Variants in CCDC40 observed in about 807,000 individuals in gnomAD.
CCDC40 encodes the protein coiled-coil domain 40 molecular ruler complex subunit.
A neutral mutation model predicts 124.5 loss-of-function variants in CCDC40; 104 were observed. The observed-to-expected ratio is 0.84, with a 90% CI of 0.71 to 0.98. The LOEUF (loss-of-function observed/expected upper bound fraction) is 0.98. Ranked by LOEUF, CCDC40 falls within the 50% of genes least tolerant of loss-of-function variation. CCDC40 has a pLI of 0.00. For missense variants in CCDC40, 1,463 were observed against 1,503.9 expected, an observed-to-expected ratio of 0.97 and a Z score of 0.45; for synonymous variants, 580 against 602.9, an observed-to-expected ratio of 0.96 and a Z score of 0.56.
intron 3 of CCDC40, among the ~76,000 whole-genome samples, chr17:80,041,934 T>G (rs898944801): frequency 3.3e-5 from 5 of 152,194 alleles, no homozygotes; most frequent in Admixed American, 1.3e-4. Context: ...GACCTTTTAC[T>G]CCTTTATACT....
chr17:80,053,595 T>G (rs1480824017), intron 7 of CCDC40, among the ~76,000 whole-genome samples: 1 of 152,300 alleles, frequency 6.6e-6, no homozygotes, highest in South Asian at 2.1e-4. Flanking sequence ...GTTTTTTGTT[T>G]GTTTGTTTGT....
chr17:80,046,579 T>C (rs2037425957), intron 3 of CCDC40, among the ~76,000 whole-genome samples: 1 of 149,296 alleles, frequency 6.7e-6, no homozygotes, highest in Admixed American at 6.6e-5. Context: ...TCTGCGTGTC[T>C]GCATCTGTAG....
rs2037536805 is a variant in CCDC40 at position 80,049,983 on chromosome 17, A to G, written c.933A>G (p.Gln311=). The stretch of plus-strand genomic sequence containing the variant: ...TCGAAAAGTTGAAGCTGGACCTCCA[A>G]GAGCTGGTGTGTATCCGTCCAGTCT... ...RQIEKLKLDL[Q]ELVVATKQSR... is the part of the protein sequence containing the mutation. Residue 311 remains glutamine (Q), a synonymous_variant, in exon 6 of 20, where the codon CAA becomes CAG. Transcript: ENST00000397545. 3 of 1,613,946 alleles carry G rather than the reference A, an allele frequency of 1.9e-6. No homozygotes were observed. The highest frequency in any genetic ancestry group is 2.5e-6 in the Non-Finnish European group (3 of 1,179,986).
chr17:80,049,263 G>C (rs1193312187), intron 5 of CCDC40, among the ~76,000 whole-genome samples: 1 of 152,018 alleles, frequency 6.6e-6, no homozygotes, highest in East Asian at 1.9e-4. Flanking sequence ...AAATTAGCTG[G>C]GCATGGTGGT....
intron 17 of CCDC40, among the ~76,000 whole-genome samples, chr17:80,093,534 A>G (rs910789286): frequency 7.2e-6 from 1 of 138,430 alleles, no homozygotes; most frequent in Non-Finnish European, 1.6e-5. Context: ...TTTTTTTTTG[A>G]AACAGTCTCG....
At chr17:80,056,043 G>T (rs2037741909) in intron 7 of CCDC40, among the ~76,000 whole-genome samples, 2 of 58,856 alleles carry the variant, frequency 3.4e-5, no homozygotes, top group Admixed American at 4.7e-4. Context: ...GTAGAAACAG[G>T]GTCTTACTGT....
chr17:80,071,471 C>T (rs112549108), intron 10 of CCDC40, among the ~76,000 whole-genome samples: 1 of 152,202 alleles, frequency 6.6e-6, no homozygotes, highest in African/African-American at 2.4e-5. Flanking sequence ...CTGTGTCCCC[C>T]CCTTAATCCT....
In CCDC40 at chr17:80,058,458, A is replaced by T; in HGVS notation, c.1160-36A>T. 6.3e-7 allele frequency: 1 copy of T among 1,591,204 alleles called. No homozygotes were observed. Among genetic ancestry groups the T allele is most frequent in the Non-Finnish European group, 8.6e-7 (1 of 1,162,620 alleles). On this transcript the variant is annotated intron_variant, in intron 7 of 19. Transcript: ENST00000397545. The surrounding 1 kb of genome is among the most constrained non-coding windows in gnomAD (Gnocchi z 4.2). ...GGACGCTGGGACAGCCTCCCCACTC[A>T]CTCTCTCTCTCTTTCTCCCCCGCCG...
Position 80,083,491 on chromosome 17 carries a change from G to C in CCDC40, c.1990-1252G>C, listed in dbSNP as rs145105425. 4.7e-3 allele frequency among the ~76,000 whole-genome samples: 721 copies of C among 152,324 alleles called. 5 individuals are homozygous for C. The highest frequency in any genetic ancestry group is 0.014 in the Middle Eastern group (4 of 294). ...GTAGGCAGGAGCCACAGTCGTGAGA[G>C]AGCCAAGGCCTTGTGTGGCAGGAGC... is the stretch of plus-strand genomic sequence containing the variant. On this transcript the variant is annotated intron_variant, in intron 12 of 19. Coordinates refer to ENST00000397545, the MANE Select transcript of CCDC40 (RefSeq NM_017950.4).
At chr17:80,054,115 A>G (rs1307448120) in intron 7 of CCDC40, among the ~76,000 whole-genome samples, 2 of 151,236 alleles carry the variant, frequency 1.3e-5, no homozygotes, top group African/African-American at 2.4e-5. Context: ...GCAGAAGCTG[A>G]TGAAATAAAT....
chr17:80,073,679 T>A (rs1205516506), intron 10 of CCDC40, among the ~76,000 whole-genome samples: 1 of 151,844 alleles, frequency 6.6e-6, no homozygotes, highest in East Asian at 1.9e-4. Context: ...AAAGGAAGAG[T>A]CTCATGCCTC....
At position 80,048,890 on chromosome 17, in the gene CCDC40, A is replaced by G; in HGVS notation, c.855+129A>G. The G allele has an allele frequency of 1.4e-5, 12 of 862,696 alleles. No individual in the cohort carries two copies. The South Asian group carries it at 1.7e-4, about 12-fold the overall frequency. The allele number at this position is 862,696 out of a possible 1,614,324, so 53.4% of individuals were successfully genotyped here. On this transcript the variant is annotated intron_variant, in intron 5 of 19. Coordinates refer to ENST00000397545, the MANE Select transcript of CCDC40 (RefSeq NM_017950.4). ...TACTTGTATCTCGCCTGTTCACTGC[A>G]CCGTTTATTGGCACTGATTGACCTG...
chr17:80,063,063 C>T (rs1167232918), intron 9 of CCDC40, among the ~76,000 whole-genome samples: 3 of 152,044 alleles, frequency 2.0e-5, no homozygotes, highest in Non-Finnish European at 2.9e-5. Flanking sequence ...GGCGTGGTGG[C>T]GAGTGCCTAT....
intron 9 of CCDC40, among the ~76,000 whole-genome samples, chr17:80,062,075 A>G (rs7221635): frequency 0.18 from 27,938 of 152,100 alleles, 3,157 homozygotes; most frequent in East Asian, 0.37. Flanking sequence ...GCACCACTGC[A>G]CTCCAGCCTG....
intron 10 of CCDC40, among the ~76,000 whole-genome samples, chr17:80,073,141 T>C (rs1032572306): frequency 2.0e-5 from 3 of 152,262 alleles, no homozygotes; most frequent in Middle Eastern, 6.8e-3. Context: ...TAGCTGGGAT[T>C]ACAGGCACAT....
At position 80,048,686 on chromosome 17, in the gene CCDC40, G is replaced by A. The variant is rs893159224; in HGVS notation, c.780G>A (p.Glu260=). Residue 260 remains glutamate (E), a synonymous_variant, in exon 5 of 20, where the codon GAG becomes GAA. Coordinates refer to ENST00000397545, the MANE Select transcript of CCDC40 (RefSeq NM_017950.4). ...QPSTEEGAMA[E]RVESEGSDEE... Reference sequence around the variant, plus strand: ...GCACCGAGGAGGGGGCCATGGCAGAGAGAGTGGAGTCCGAGGGGAGTGACG... The same window carrying A: ...GCACCGAGGAGGGGGCCATGGCAGAAAGAGTGGAGTCCGAGGGGAGTGACG... 2 of 1,614,020 alleles carry A rather than the reference G, an allele frequency of 1.2e-6. No individual in the cohort carries two copies. Among genetic ancestry groups the A allele is most frequent in the African/African-American group, 1.3e-5 (1 of 74,936 alleles).
chr17:80,069,626 C>T (rs2038138113), intron 10 of CCDC40, among the ~76,000 whole-genome samples: 1 of 152,172 alleles, frequency 6.6e-6, no homozygotes, highest in Admixed American at 6.6e-5. Context: ...TGGCGGGCAC[C>T]TGTGGTCCCA....
intron 10 of CCDC40, among the ~76,000 whole-genome samples, chr17:80,073,953 C>T (rs1184322421): frequency 1.3e-5 from 2 of 151,966 alleles, no homozygotes; most frequent in Non-Finnish European, 2.9e-5. Context: ...CCCAAAGTGC[C>T]GGGATTACAA....
intron 10 of CCDC40, among the ~76,000 whole-genome samples, chr17:80,079,246 AT>A (rs1351893240): frequency 1.3e-5 from 2 of 151,910 alleles, no homozygotes; most frequent in Non-Finnish European, 2.9e-5. Flanking sequence ...TACCTTCCAT[AT>A]TTTTCTCACA....
Sources: gnomAD v4.1 joint callset for allele counts (sites outside exome capture counted in the v4.1 genomes callset) on GRCh38, gnomAD v4.1.1 for gene constraint, Gnocchi (gnomAD v3.1) non-coding constraint, MANE v1.5 for transcripts, NCBI Gene and HGNC (gene_info 2026-07-23, HGNC 2026-07-21) for gene names.